The following DGAT2 variants were observed in gnomAD, a reference collection of about 807,000 sequenced individuals.
DGAT2 encodes the protein acyl-CoA retinol O-fatty-acyltransferase.
DGAT2 carries 33 observed loss-of-function variants against 48.4 expected under a neutral mutation model. The observed-to-expected ratio is 0.68, with a 90% CI of 0.52 to 0.91. DGAT2 has a LOEUF of 0.91. Among genes scored for constraint, DGAT2 ranks in the 40% least tolerant of loss-of-function variants. The pLI is 0.00. For missense variants in DGAT2, 446 were observed against 493.7 expected (o/e 0.90, Z 0.92); for synonymous variants, 191 against 194.1 (o/e 0.98, Z 0.13).
intron 4 of DGAT2, chr11:75,792,799 T>C (rs1207770189): frequency 6.6e-6 from 1 of 152,202 alleles, no homozygotes; most frequent in Admixed American, 6.5e-5. Flanking sequence ...CACCTGTCCA[T>C]CTGCCTCATT....
At chr11:75,798,115 G>A (rs1036733157) in intron 6 of DGAT2, 112 bp from the exon 7 acceptor site, 4 of 1,121,648 alleles carry the variant, frequency 3.6e-6, no homozygotes, top group Non-Finnish European at 5.2e-6. Flanking sequence ...GGTAATTCTG[G>A]TACACCCAGC....
At chr11:75,796,250 A>G (rs1447379943) in intron 4 of DGAT2, 78 bp from the exon 5 acceptor site, 3 of 1,293,438 alleles carry the variant, frequency 2.3e-6, no homozygotes, top group Non-Finnish European at 3.3e-6. Flanking sequence ...TGACACATCC[A>G]ATCCCTCCCT....
Position 75,800,620 on chromosome 11 carries a change from A to G in DGAT2, c.*112A>G. 7.6e-7 allele frequency: 1 copy of G among 1,323,846 alleles called. No homozygotes were observed. The highest frequency in any genetic ancestry group is 1.0e-6 in the Non-Finnish European group (1 of 984,966). The allele number at this position is 1,323,846 out of a possible 1,614,324, so 82.0% of individuals were successfully genotyped here. ...GGGTTATTTAAAAGAAATTATAACAATTTTGCTAAACCATTACAATGTTAG... is the reference window on the plus strand; with the variant it reads ...GGGTTATTTAAAAGAAATTATAACAGTTTTGCTAAACCATTACAATGTTAG... On this transcript the variant is annotated 3_prime_UTR_variant, in exon 8 of 8. Transcript: ENST00000228027.
intron 2 of DGAT2, 64 bp from the exon 3 acceptor site, chr11:75,790,124 C>CA: frequency 1.7e-6 from 2 of 1,210,430 alleles, no homozygotes; most frequent in Non-Finnish European, 2.5e-6. Context: ...CTCACTCCAT[C>CA]CACCATGGCC....
chr11:75,775,001 C>T (rs566769142), intron 1 of DGAT2, among the ~76,000 whole-genome samples: 8 of 152,274 alleles, frequency 5.3e-5, no homozygotes, highest in Non-Finnish European at 1.0e-4. Context: ...CTTCCTTGGC[C>T]TTACCTCTTG....
intron 1 of DGAT2, among the ~76,000 whole-genome samples, chr11:75,770,836 A>G (rs1354953798): frequency 1.3e-5 from 2 of 151,942 alleles, no homozygotes; most frequent in African/African-American, 2.4e-5. Context: ...GATTTACATC[A>G]TGGAATGTAG....
At chr11:75,777,939 C>T (rs1341661361) in intron 1 of DGAT2, among the ~76,000 whole-genome samples, 2 of 152,204 alleles carry the variant, frequency 1.3e-5, no homozygotes, top group African/African-American at 4.8e-5. Context: ...ATCTCTCCCT[C>T]AGCAGAAGTT....
chr11:75,792,927 C>T (rs1438364301), intron 4 of DGAT2: 1 of 152,260 alleles, frequency 6.6e-6, no homozygotes, highest in Non-Finnish European at 1.5e-5. Flanking sequence ...CATGGTCTTA[C>T]TCCTGTGTTA....
chr11:75,797,794 C>T (rs1358251998), intron 6 of DGAT2, among the ~76,000 whole-genome samples: 1 of 152,144 alleles, frequency 6.6e-6, no homozygotes, highest in Non-Finnish European at 1.5e-5. Context: ...GACCCAGTCC[C>T]TGCCTTCAGG....
chr11:75,781,131 G>T (rs1208904049), intron 1 of DGAT2, among the ~76,000 whole-genome samples: 2 of 152,220 alleles, frequency 1.3e-5, no homozygotes, highest in Non-Finnish European at 2.9e-5. Flanking sequence ...CATTGTGCGG[G>T]TCTGACTTTA....
Position 75,768,810 on chromosome 11 carries a change from T to C in DGAT2, c.-182T>C. 1 of 701,936 alleles carries C rather than the reference T, an allele frequency of 1.4e-6. No individual in the cohort carries two copies. The highest frequency in any genetic ancestry group is 2.1e-6 in the Non-Finnish European group (1 of 481,032). 43.5% of individuals were successfully genotyped at this position (701,936 alleles called of 1,614,324 possible). On this transcript the variant is annotated 5_prime_UTR_variant, in exon 1 of 8. Transcript: ENST00000228027. ...CTGCCGCCTCTGCTGGGGTCTAGGC[T>C]GTTTCTCTCGCGCCACCACTGGCCG...
rs1267144559 is a variant in DGAT2 at position 75,797,151 on chromosome 11, C to T, written c.635-7C>T. 1 of 1,474,300 alleles carries T rather than the reference C, an allele frequency of 6.8e-7. No homozygotes were observed. Among genetic ancestry groups the T allele is most frequent in the East Asian group, 2.6e-5 (1 of 38,812 alleles). 91.3% of individuals were successfully genotyped at this position (1,474,300 alleles called of 1,614,324 possible). A position where few individuals can be genotyped will look rare whatever the true frequency, so the allele number is the denominator to read the frequency against. On this transcript the variant is annotated splice_polypyrimidine_tract_variant and splice_region_variant and intron_variant, in intron 5 of 7. Coordinates refer to ENST00000228027, the MANE Select transcript of DGAT2 (RefSeq NM_032564.5). The stretch of plus-strand genomic sequence containing the variant: ...ACCCTGACTGTTGCGTCCTTCCCTC[C>T]CCTCAGGTATCTGCCCTGTCAGCCG...
chr11:75,774,325 G>A (rs1166736296), intron 1 of DGAT2, among the ~76,000 whole-genome samples: 3 of 152,210 alleles, frequency 2.0e-5, no homozygotes, highest in African/African-American at 7.2e-5. Context: ...CTTACCCTCA[G>A]TCTCCTCATC....
At chr11:75,771,060 A>G (rs911420993) in intron 1 of DGAT2, among the ~76,000 whole-genome samples, 2 of 152,146 alleles carry the variant, frequency 1.3e-5, no homozygotes, top group African/African-American at 4.8e-5. Context: ...GCTGGTGAAC[A>G]GCCCGTCAGT....
chr11:75,794,749 T>C (rs1401763029), intron 4 of DGAT2: 1 of 152,250 alleles, frequency 6.6e-6, no homozygotes, highest in Non-Finnish European at 1.5e-5. Flanking sequence ...TCAACCCATA[T>C]AACCTCAATT....
intron 5 of DGAT2, 149 bp from the exon 6 acceptor site, chr11:75,797,009 G>C (rs1945063524): frequency 2.8e-6 from 2 of 707,110 alleles, no homozygotes; most frequent in Non-Finnish European, 4.4e-6. Flanking sequence ...AAAATGAATA[G>C]CTTACACAGA....
At position 75,769,067 on chromosome 11, in the gene DGAT2, TCTCACGG is replaced by T; in HGVS notation, c.77_83del (p.Ser26Ter). On this transcript the variant is annotated frameshift_variant, in exon 1 of 8. Coordinates refer to ENST00000228027, the MANE Select transcript of DGAT2 (RefSeq NM_032564.5). LOFTEE classifies it high-confidence loss of function. ...GGCCGAGGCTGACCGGAGCCAGCGC[TCTCACGG>T]AGGACCTGCGCTGTCGCGCGAGGGG... 1 of 1,582,504 alleles carries T rather than the reference TCTCACGG, an allele frequency of 6.3e-7. No homozygotes were observed. The highest frequency in any genetic ancestry group is 8.6e-7 in the Non-Finnish European group (1 of 1,167,134).
chr11:75,771,317 A>G (rs547245449), intron 1 of DGAT2, among the ~76,000 whole-genome samples: 1 of 152,108 alleles, frequency 6.6e-6, no homozygotes, highest in South Asian at 2.1e-4. Flanking sequence ...TATATATCCT[A>G]TTCTTTATCC....
In DGAT2 at chr11:75,784,672, T is replaced by C. The variant is rs1332375893; in HGVS notation, c.176T>C (p.Leu59Pro). 3.1e-6 allele frequency: 5 copies of C among 1,614,018 alleles called. No homozygotes were observed. The highest frequency in any genetic ancestry group is 4.2e-6 in the Non-Finnish European group (5 of 1,179,972). Residue 59 changes from leucine to proline, a missense_variant, in exon 2 of 8, where the codon CTC (leucine) becomes CCC (proline). Leu to Pro is a moderately conservative substitution (Grantham distance 98). Transcript: ENST00000228027. ...CAGGACCTCTTCTCTGTCACCTGGCTCAATAGGTCCAAGGTGGAAAAGCAG... is the reference window on the plus strand; with the variant it reads ...CAGGACCTCTTCTCTGTCACCTGGCCCAATAGGTCCAAGGTGGAAAAGCAG... ...ALQDLFSVTWLNRSKVEKQLQ... is the reference protein window; with the variant it reads ...ALQDLFSVTWPNRSKVEKQLQ...
Sources: allele counts gnomAD v4.1 joint callset (sites outside exome capture counted in the v4.1 genomes callset), GRCh38; gene constraint gnomAD v4.1.1; transcripts MANE v1.5; gene names NCBI Gene and HGNC (gene_info 2026-07-23, HGNC 2026-07-21).